Variants in RREB1 observed in about 807,000 individuals in gnomAD.
The protein encoded by RREB1 is ras-responsive element-binding protein 1.
In RREB1, 27 loss-of-function variants were observed where a neutral mutation model predicts 117.8. The ratio of observed to expected loss-of-function variants is 0.23; its 90% CI spans 0.17 to 0.32. The LOEUF (loss-of-function observed/expected upper bound fraction) is 0.32, where lower values mean the gene tolerates loss of function less well. RREB1 is among the 10% of genes least tolerant of loss of function. The probability of loss-of-function intolerance (pLI) is 1.00; values close to 1 mark genes in which losing one functional copy is unlikely to be tolerated. For synonymous variants in RREB1, 1,298 were observed against 1,026.7 expected, an observed-to-expected ratio of 1.26 and a Z score of -5.05; for missense variants, 2,577 against 2,378.2, an observed-to-expected ratio of 1.08 and a Z score of -1.74.
intron 1 of RREB1, among the ~76,000 whole-genome samples, chr6:7,125,426 T>C (rs1761864675): frequency 6.6e-6 from 1 of 152,196 alleles, no homozygotes; most frequent in Admixed American, 6.5e-5. Flanking sequence ...AGGCTTCTGC[T>C]AGTCCTCCAT....
chr6:7,206,175 C>G (rs1766259798), intron 6 of RREB1, among the ~76,000 whole-genome samples: 1 of 152,262 alleles, frequency 6.6e-6, no homozygotes, highest in Non-Finnish European at 1.5e-5. Flanking sequence ...ATTAACCTCT[C>G]TCTACAATGA....
intron 9 of RREB1, among the ~76,000 whole-genome samples, chr6:7,228,267 G>C (rs1234828926): frequency 6.6e-6 from 1 of 151,892 alleles, no homozygotes; most frequent in Non-Finnish European, 1.5e-5. Flanking sequence ...AATCATAGAG[G>C]GGTAGGGTAG....
rs139375423 is a variant in RREB1 at position 7,176,062 on chromosome 6, G to A, written c.-284-593G>A. ...CTCCAGAGTAGCTGGGACTACAGGC[G>A]CATGCCACCACACCCAGCTGATTTT... On this transcript the variant is annotated intron_variant, in intron 1 of 12. Transcript: ENST00000379938. Among the ~76,000 whole-genome samples the A allele has an allele frequency of 3.5e-3, 526 of 152,214 alleles. 3 individuals are homozygous for A. The highest frequency in any genetic ancestry group is 0.011 in the African/African-American group (474 of 41,522).
chr6:7,131,861 G>A (rs1292805245), intron 1 of RREB1, among the ~76,000 whole-genome samples: 1 of 151,676 alleles, frequency 6.6e-6, no homozygotes, highest in Non-Finnish European at 1.5e-5. Flanking sequence ...GCTCCTTGAG[G>A]ACTTTTTTTT....
At position 7,230,682 on chromosome 6, in the gene RREB1, C is replaced by T. The variant is rs2113115207; in HGVS notation, c.2583C>T (p.Ala861=). 2.5e-6 allele frequency: 4 copies of T among 1,593,394 alleles called. No individual in the cohort carries two copies. Among genetic ancestry groups the T allele is most frequent in the Non-Finnish European group, 3.4e-6 (4 of 1,169,070 alleles). The stretch of plus-strand genomic sequence containing the variant: ...TTGGTGACTGCAAGCCCCTCACTGC[C>T]TTCCTGGAACCCCAGAACGGCTTTC... The part of the protein sequence containing the change: ...AALGDCKPLT[A]FLEPQNGFLH... The change falls in exon 10 of 13, where the codon GCC becomes GCT. Residue 861 remains alanine, a synonymous_variant. Coordinates refer to ENST00000379938, the MANE Select transcript of RREB1 (RefSeq NM_001003699.4).
Position 7,229,685 on chromosome 6 carries a change from A to G in RREB1, c.1586A>G (p.Asn529Ser). ...ACCTCCACGCCCCCGCCTCTCATCA[A>G]CGCCCAGCAGGCTTCCCCGGGCTGT... Reference protein sequence around the residue: ...VATSTPPPLINAQQASPGCIS... With the variant: ...VATSTPPPLISAQQASPGCIS... Residue 529 changes from asparagine to serine, a missense_variant, in exon 10 of 13, where the codon AAC becomes AGC. Transcript: ENST00000379938. This position sits in a 1 kb window ranked among gnomAD's most constrained non-coding sequence, Gnocchi z 4.5. The G allele has an allele frequency of 6.2e-7, 1 of 1,611,220 alleles. No homozygotes were observed. The highest frequency in any genetic ancestry group is 8.5e-7 in the Non-Finnish European group (1 of 1,178,906).
Position 7,230,629 on chromosome 6 carries a change from C to T in RREB1, c.2530C>T (p.Arg844Cys), listed in dbSNP as rs561479502. 3.1e-6 allele frequency: 5 copies of T among 1,603,952 alleles called. No individual in the cohort carries two copies. Among genetic ancestry groups the T allele is most frequent in the South Asian group, 1.1e-5 (1 of 90,032 alleles). Residue 844 changes from arginine to cysteine, a missense_variant, in exon 10 of 13, where the codon CGC (arginine) becomes TGC (cysteine). Transcript: ENST00000379938. ...AEAPAAEASGRGEDSGCAALG... is the reference protein window; with the variant it reads ...AEAPAAEASGCGEDSGCAALG... ...GGCGCCGGCCGCTGAGGCGTCGGGG[C>T]GCGGGGAGGACAGTGGCTGCGCTGC...
chr6:7,227,535 C>T (rs1055165659), intron 9 of RREB1, among the ~76,000 whole-genome samples: 9 of 141,592 alleles, frequency 6.4e-5, no homozygotes, highest in South Asian at 2.2e-4. Flanking sequence ...AGCGAGACTC[C>T]GTCTAAGAAA....
chr6:7,185,053 A>C (rs1765012618), intron 4 of RREB1: 1 of 152,090 alleles, frequency 6.6e-6, no homozygotes, highest in Admixed American at 6.5e-5. Context: ...GTCCTTGGCC[A>C]GCTCTACTCC....
At chr6:7,224,058 A>G (rs906859129) in intron 8 of RREB1, among the ~76,000 whole-genome samples, 1 of 152,174 alleles carries the variant, frequency 6.6e-6, no homozygotes, top group Non-Finnish European at 1.5e-5. Context: ...GTTGCTGTCA[A>G]ATTTAGGCTA....
chr6:7,112,807 C>G (rs188058227), intron 1 of RREB1, among the ~76,000 whole-genome samples: 4 of 140,540 alleles, frequency 2.8e-5, no homozygotes, highest in Admixed American at 2.8e-4. Context: ...GCAATGTCAT[C>G]GACTGTGCTC....
chr6:7,199,788 C>G (rs1765852549), intron 6 of RREB1, among the ~76,000 whole-genome samples: 1 of 152,128 alleles, frequency 6.6e-6, no homozygotes, highest in East Asian at 1.9e-4. Context: ...CTTACCCTCC[C>G]GAGTAGCTGG....
Position 7,229,633 on chromosome 6 carries a change from C to T in RREB1, c.1534C>T (p.Leu512=). ...KHMPPLKPKP[L]VTPRTVVATS... is the part of the protein sequence containing the mutation. ...CATGCCCCCTCTGAAGCCAAAGCCC[C>T]TGGTCACACCACGGACGGTGGTGGC... The change falls in exon 10 of 13, where the codon CTG becomes TTG. Residue 512 remains leucine, a synonymous_variant. Coordinates refer to ENST00000379938, the MANE Select transcript of RREB1 (RefSeq NM_001003699.4). This position sits in a 1 kb window ranked among gnomAD's most constrained non-coding sequence, Gnocchi z 4.5. The T allele has an allele frequency of 6.2e-7, 1 of 1,613,158 alleles. No individual in the cohort carries two copies. Among genetic ancestry groups the T allele is most frequent in the Non-Finnish European group, 8.5e-7 (1 of 1,179,736 alleles).
At chr6:7,205,400 C>T (rs1042648858) in intron 6 of RREB1, among the ~76,000 whole-genome samples, 1 of 152,174 alleles carries the variant, frequency 6.6e-6, no homozygotes, top group Non-Finnish European at 1.5e-5. Flanking sequence ...GCCCAAGATT[C>T]TCTGGAGTCT....
At position 7,126,151 on chromosome 6, in the gene RREB1, A is replaced by AG. The variant is rs563897381; in HGVS notation, c.-285+18091_-285+18092insG. Reference sequence around the variant, plus strand: ...TGAGTAGCTGGGATTACAGGTGCGCACCACCACACCCAGCTAATTTTTGTA... The same window carrying AG: ...TGAGTAGCTGGGATTACAGGTGCGCAGCCACCACACCCAGCTAATTTTTGTA... On this transcript the variant is annotated intron_variant, in intron 1 of 12. Transcript: ENST00000379938. 1.3e-4 allele frequency among the ~76,000 whole-genome samples: 20 copies of AG among 151,560 alleles called. No individual in the cohort carries two copies. In the South Asian group the frequency reaches 4.2e-3, roughly 32 times the overall value.
At chr6:7,142,479 GAGGGCAGC>G (rs1278220015) in intron 1 of RREB1, among the ~76,000 whole-genome samples, 2 of 152,258 alleles carry the variant, frequency 1.3e-5, no homozygotes, top group Middle Eastern at 3.2e-3. Context: ...CATCACCGGT[GAGGGCAGC>G]AGGTCACTGT....
At chr6:7,226,351 A>C in intron 8 of RREB1, 116 bp from the exon 9 acceptor site, 1 of 691,812 alleles carries the variant, frequency 1.4e-6, no homozygotes, top group Non-Finnish European at 2.3e-6. Flanking sequence ...TTTTTATTTT[A>C]CTCAATTGAA....
intron 6 of RREB1, among the ~76,000 whole-genome samples, chr6:7,207,680 G>A (rs1345183305): frequency 1.3e-5 from 2 of 152,170 alleles, no homozygotes; most frequent in African/African-American, 2.4e-5. Context: ...ATACCTGTAC[G>A]CTGGAGAGCA....
At chr6:7,110,741 T>A (rs940588274) in intron 1 of RREB1, among the ~76,000 whole-genome samples, 26 of 152,268 alleles carry the variant, frequency 1.7e-4, no homozygotes, top group African/African-American at 6.3e-4. Flanking sequence ...TGCATTGTCT[T>A]TGTCTTAAAA....
Sources: allele counts gnomAD v4.1 joint callset (sites outside exome capture counted in the v4.1 genomes callset), GRCh38; gene constraint gnomAD v4.1.1; non-coding constraint Gnocchi (gnomAD v3.1); transcripts MANE v1.5; gene names NCBI Gene and HGNC (gene_info 2026-07-23, HGNC 2026-07-21).